The following DLG2 variants were observed in gnomAD, a reference collection of about 807,000 sequenced individuals.
DLG2 encodes the protein discs large MAGUK scaffold protein 2, also known as disks large homolog 2.
A neutral mutation model predicts 132.5 loss-of-function variants in DLG2; 45 were observed. That is an observed-to-expected ratio of 0.34 (90% CI 0.27 to 0.44). The LOEUF is 0.44. Ranked by LOEUF, DLG2 falls within the 20% of genes least tolerant of loss-of-function variation. The probability of loss-of-function intolerance (pLI) is 1.00; values close to 1 mark genes in which losing one functional copy is unlikely to be tolerated. For missense variants in DLG2, 1,045 were observed against 1,196.9 expected (o/e 0.87, Z 1.87); for synonymous variants, 424 against 419.6 (o/e 1.01, Z -0.13).
intron 6 of DLG2, among the ~76,000 whole-genome samples, chr11:85,077,199 T>C (rs558880329): frequency 2.8e-4 from 42 of 151,980 alleles, no homozygotes; most frequent in African/African-American, 5.8e-4. Context: ...ATAATAACAA[T>C]GATCACCATA....
chr11:84,209,170 A>G (rs2096718043), intron 8 of DLG2, among the ~76,000 whole-genome samples: 2 of 152,208 alleles, frequency 1.3e-5, no homozygotes, highest in Admixed American at 1.3e-4. Context: ...ATGTATTGAG[A>G]AGGACAGTTG....
intron 3 of DLG2, among the ~76,000 whole-genome samples, chr11:85,475,479 A>C (rs1225929404): frequency 6.6e-6 from 1 of 152,192 alleles, no homozygotes; most frequent in East Asian, 1.9e-4. Flanking sequence ...ATTTTCTAGC[A>C]ATGTAATTTT....
At chr11:83,995,675 T>C (rs1209052000) in intron 11 of DLG2, among the ~76,000 whole-genome samples, 1 of 151,974 alleles carries the variant, frequency 6.6e-6, no homozygotes, top group African/African-American at 2.4e-5. Flanking sequence ...AATCTATACA[T>C]CTAGAATCAA....
intron 19 of DLG2, among the ~76,000 whole-genome samples, chr11:83,610,535 C>T (rs1395520142): frequency 8.3e-6 from 1 of 120,670 alleles, no homozygotes; most frequent in East Asian, 2.8e-4. Flanking sequence ...GTATAGCAAC[C>T]AACTATCGAA....
At chr11:84,286,329 T>G (rs1197929655) in intron 7 of DLG2, among the ~76,000 whole-genome samples, 1 of 152,134 alleles carries the variant, frequency 6.6e-6, no homozygotes, top group Non-Finnish European at 1.5e-5. Context: ...TGGTTAGGGC[T>G]TCTCATGTAA....
chr11:85,292,674 G>A (rs181641897), intron 3 of DLG2, among the ~76,000 whole-genome samples: 1,866 of 51,894 alleles, frequency 0.036, 75 homozygotes, highest in East Asian at 0.11. Flanking sequence ...GGGAGGGAGG[G>A]AGGGAGGGAG....
At chr11:83,814,834 T>C (rs760481886) in intron 17 of DLG2, 27 of 240,782 alleles carry the variant, frequency 1.1e-4, no homozygotes, top group Non-Finnish European at 2.2e-4. Context: ...ACACCAGCAA[T>C]GTTCACTCCA....
At position 83,862,629 on chromosome 11, in the gene DLG2, A is replaced by T. The variant is rs180994375; in HGVS notation, c.1565+11791T>A. ...GGATTGTTTGTAACATAAATAAAGG[A>T]TAAATGTTTGAGGTGATAGATACTC... On this transcript the variant is annotated intron_variant, in intron 16 of 27. Coordinates refer to ENST00000376104, the MANE Select transcript of DLG2 (RefSeq NM_001142699.3). Among the ~76,000 whole-genome samples, 216 of 152,300 alleles carry T rather than the reference A, an allele frequency of 1.4e-3. 2 individuals are homozygous for T. Among genetic ancestry groups the T allele is most frequent in the Admixed American group, 0.013 (194 of 15,278 alleles).
intron 4 of DLG2, among the ~76,000 whole-genome samples, chr11:85,181,843 C>A (rs2152513409): frequency 6.6e-6 from 1 of 151,718 alleles, no homozygotes. Context: ...AAGATCCTAA[C>A]TGAATGTAGC....
intron 18 of DLG2, among the ~76,000 whole-genome samples, chr11:83,743,487 A>T (rs2092693027): frequency 7.3e-6 from 1 of 136,622 alleles, no homozygotes; most frequent in African/African-American, 3.0e-5. Context: ...GTTGGAGTAC[A>T]GTGATGTAAA....
chr11:84,752,981 G>T (rs1224628167), intron 6 of DLG2, among the ~76,000 whole-genome samples: 1 of 151,936 alleles, frequency 6.6e-6, no homozygotes, highest in East Asian at 1.9e-4. Context: ...TTGGACATTT[G>T]GGTTGGTTCC....
At chr11:83,843,716 G>A (rs1293612273) in intron 16 of DLG2, among the ~76,000 whole-genome samples, 6 of 152,142 alleles carry the variant, frequency 3.9e-5, no homozygotes, top group Non-Finnish European at 1.5e-5. Context: ...CGGGTTCCTT[G>A]CTTGGGTAAT....
At chr11:83,885,237 C>T (rs1024609976) in intron 15 of DLG2, among the ~76,000 whole-genome samples, 1 of 152,080 alleles carries the variant, frequency 6.6e-6, no homozygotes, top group Non-Finnish European at 1.5e-5. Context: ...ATAACCAATA[C>T]AGAGAAGTGC....
chr11:84,540,368 A>T (rs2099365367), intron 6 of DLG2, among the ~76,000 whole-genome samples: 1 of 151,824 alleles, frequency 6.6e-6, no homozygotes, highest in Admixed American at 6.6e-5. Context: ...AAACCCCATC[A>T]AAAAGTGGGC....
At chr11:84,756,180 T>G (rs1411874158) in intron 6 of DLG2, among the ~76,000 whole-genome samples, 1 of 152,224 alleles carries the variant, frequency 6.6e-6, no homozygotes, top group Non-Finnish European at 1.5e-5. Flanking sequence ...TAATTATAAT[T>G]AAAGAATACT....
intron 14 of DLG2, among the ~76,000 whole-genome samples, chr11:83,939,550 T>C (rs1363996564): frequency 2.0e-5 from 3 of 152,212 alleles, no homozygotes; most frequent in Non-Finnish European, 4.4e-5. Flanking sequence ...TACAATTTCT[T>C]TCTTTTTATC....
intron 6 of DLG2, chr11:84,545,721 A>C: frequency 4.1e-6 from 1 of 245,426 alleles, no homozygotes; most frequent in South Asian, 6.1e-5. Context: ...ATTTTCCCAC[A>C]TTCTTCAAAG....
At chr11:83,770,299 T>C (rs2094342928) in intron 18 of DLG2, among the ~76,000 whole-genome samples, 1 of 143,938 alleles carries the variant, frequency 6.9e-6, no homozygotes, top group African/African-American at 2.6e-5. Context: ...TTAGTTTCAA[T>C]GTAGTCTATA....
At chr11:85,376,909 C>T (rs190885214) in intron 3 of DLG2, among the ~76,000 whole-genome samples, 2 of 152,180 alleles carry the variant, frequency 1.3e-5, no homozygotes, top group Admixed American at 1.3e-4. Flanking sequence ...AAATTTTTTC[C>T]AATGGGAAAG....
Sources: gnomAD v4.1 joint callset for allele counts (sites outside exome capture counted in the v4.1 genomes callset) on GRCh38, gnomAD v4.1.1 for gene constraint, MANE v1.5 for transcripts, NCBI Gene and HGNC (gene_info 2026-07-23, HGNC 2026-07-21) for gene names.